The following PIP4K2A variants were observed in gnomAD, a reference collection of about 807,000 sequenced individuals.
The protein encoded by PIP4K2A is phosphatidylinositol 5-phosphate 4-kinase type-2 alpha.
Under a neutral mutation model 42.9 loss-of-function variants are expected in PIP4K2A, and 14 were observed. The ratio of observed to expected loss-of-function variants is 0.33; its 90% CI spans 0.22 to 0.51. The LOEUF (loss-of-function observed/expected upper bound fraction) is 0.51, where lower values mean the gene tolerates loss of function less well. Among genes scored for constraint, PIP4K2A ranks in the 20% least tolerant of loss-of-function variants. The pLI, the probability that PIP4K2A is intolerant of heterozygous loss-of-function variation, is 0.97. For synonymous variants in PIP4K2A, 192 were observed against 192.2 expected (o/e 1.00, Z 0.01); for missense variants, 434 against 519.8 (o/e 0.83, Z 1.61).
rs542659125 is a variant in PIP4K2A, at chr10:22,629,392, C to T, written c.145-19675G>A. 4.6e-5 allele frequency among the ~76,000 whole-genome samples: 7 copies of T among 152,274 alleles called. No individual in the cohort carries two copies. The South Asian group carries it at 1.4e-3, about 32-fold the overall frequency. On this transcript the variant is annotated intron_variant, in intron 1 of 9. Coordinates refer to ENST00000376573, the MANE Select transcript of PIP4K2A (RefSeq NM_005028.5). ...AACTGCAGTCATACCTCGAGTCATA[C>T]TGCAATTGGCAGAGGATGCTAGAAT...
intron 6 of PIP4K2A, among the ~76,000 whole-genome samples, chr10:22,564,692 G>A (rs1352586028): frequency 6.6e-6 from 1 of 152,184 alleles, no homozygotes; most frequent in African/African-American, 2.4e-5. Flanking sequence ...GCCTTAGAGG[G>A]GGTTTAGGCG....
chr10:22,559,180 A>T (rs1836624273), intron 6 of PIP4K2A, among the ~76,000 whole-genome samples: 1 of 152,238 alleles, frequency 6.6e-6, no homozygotes, highest in African/African-American at 2.4e-5. Context: ...CTCTGGTTTA[A>T]TACTACCATG....
At chr10:22,577,210 G>A (rs1837145745) in intron 4 of PIP4K2A, among the ~76,000 whole-genome samples, 1 of 152,108 alleles carries the variant, frequency 6.6e-6, no homozygotes, top group Non-Finnish European at 1.5e-5. Flanking sequence ...TCTTGTCCGT[G>A]TGCAAGTTAT....
intron 1 of PIP4K2A, among the ~76,000 whole-genome samples, chr10:22,697,263 C>T (rs557953996): frequency 1.3e-4 from 20 of 152,318 alleles, no homozygotes; most frequent in African/African-American, 4.6e-4. Context: ...AAGCTCTGAG[C>T]TTCCACACCT....
In PIP4K2A at chr10:22,563,985, T is replaced by C. The variant is rs186809952; in HGVS notation, c.678+3866A>G. ...TCATATTAGATACAGGATAAAAGCA[T>C]CCTAGCAGAGTCCTAGAAAGATGAG... On this transcript the variant is annotated intron_variant, in intron 6 of 9. Coordinates refer to ENST00000376573, the MANE Select transcript of PIP4K2A (RefSeq NM_005028.5). Among the ~76,000 whole-genome samples the C allele has an allele frequency of 5.9e-5, 9 of 152,278 alleles. No individual in the cohort carries two copies. The East Asian group carries it at 9.6e-4, about 16-fold the overall frequency.
At chr10:22,694,467 C>T (rs538574271) in intron 1 of PIP4K2A, 7 of 152,292 alleles carry the variant, frequency 4.6e-5, no homozygotes, top group Non-Finnish European at 8.8e-5. Flanking sequence ...ATGTTTTGTA[C>T]CATACAGAGG....
chr10:22,599,663 T>C (rs765748875), intron 3 of PIP4K2A, among the ~76,000 whole-genome samples: 6 of 152,248 alleles, frequency 3.9e-5, no homozygotes, highest in Non-Finnish European at 8.8e-5. Context: ...CAAAGCTGTA[T>C]GATGCAGGGC....
chr10:22,613,465 A>T lies in PIP4K2A; in HGVS notation c.145-3748T>A, dbSNP rs567111147. Among the ~76,000 whole-genome samples, 12 of 152,176 alleles carry T rather than the reference A, an allele frequency of 7.9e-5. No homozygotes were observed. In the East Asian group the frequency reaches 2.3e-3, roughly 29 times the overall value. On this transcript the variant is annotated intron_variant, in intron 1 of 9. Coordinates refer to ENST00000376573, the MANE Select transcript of PIP4K2A (RefSeq NM_005028.5). ...AGCGACTTTCCTGTTCACAGGAGGG[A>T]AAAGAGATAGGTGTCATGGGGAGGG...
chr10:22,565,930 G>C (rs189368704), intron 6 of PIP4K2A, among the ~76,000 whole-genome samples: 390 of 152,238 alleles, frequency 2.6e-3, no homozygotes, highest in Middle Eastern at 6.8e-3. Context: ...ATTAGGAAGA[G>C]GAAATTCCCA....
intron 1 of PIP4K2A, among the ~76,000 whole-genome samples, chr10:22,636,171 A>T (rs185610503): frequency 2.8e-4 from 43 of 152,344 alleles, no homozygotes; most frequent in African/African-American, 9.9e-4. Context: ...CAGAAGGAAC[A>T]GGAAACGTTC....
chr10:22,561,176 T>C (rs1588626325), intron 6 of PIP4K2A, among the ~76,000 whole-genome samples: 2 of 152,152 alleles, frequency 1.3e-5, no homozygotes, highest in East Asian at 3.9e-4. Context: ...AAACAAGTCA[T>C]AGCAGCTGTC....
chr10:22,622,672 G>A (rs1254931802), intron 1 of PIP4K2A, among the ~76,000 whole-genome samples: 2 of 152,186 alleles, frequency 1.3e-5, no homozygotes, highest in Admixed American at 6.5e-5. Context: ...CCACATACCC[G>A]GGACAAGTCG....
intron 4 of PIP4K2A, among the ~76,000 whole-genome samples, chr10:22,589,668 GA>G (rs1837470042): frequency 6.6e-6 from 1 of 152,208 alleles, no homozygotes; most frequent in African/African-American, 2.4e-5. Flanking sequence ...CATCATGCAT[GA>G]ACATAAAGTA....
chr10:22,619,962 C>T (rs1192239429), intron 1 of PIP4K2A, among the ~76,000 whole-genome samples: 1 of 152,154 alleles, frequency 6.6e-6, no homozygotes, highest in Non-Finnish European at 1.5e-5. Flanking sequence ...TTTCCAGGGT[C>T]CACAAACTCA....
At position 22,555,999 on chromosome 10, in the gene PIP4K2A, C is replaced by T. The variant is rs759585564; in HGVS notation, c.679-5227G>A. ...AAGCCGTCCTGGGCCCCATGCAGCC[C>T]GTGAGCGACAAGCTTTATTTAAACG... On this transcript the variant is annotated intron_variant, in intron 6 of 9. Transcript: ENST00000376573. 9.9e-5 allele frequency among the ~76,000 whole-genome samples: 15 copies of T among 152,058 alleles called. 2 individuals carry two copies. The highest frequency in any genetic ancestry group is 2.7e-4 in the African/African-American group (11 of 41,484).
At position 22,624,527 on chromosome 10, in the gene PIP4K2A, G is replaced by A. The variant is rs376370511; in HGVS notation, c.145-14810C>T. Among the ~76,000 whole-genome samples the A allele has an allele frequency of 5.3e-5, 8 of 152,188 alleles. No homozygotes were observed. The East Asian group carries it at 1.5e-3, about 29-fold the overall frequency. On this transcript the variant is annotated intron_variant, in intron 1 of 9. Coordinates refer to ENST00000376573, the MANE Select transcript of PIP4K2A (RefSeq NM_005028.5). ...TTTCCTGTATTCAAAGAACTACTGT[G>A]TATGGTTGAGAGGGAAGAAGAATGC...
At chr10:22,547,534 C>T (rs764099689) in intron 7 of PIP4K2A, among the ~76,000 whole-genome samples, 18 of 152,192 alleles carry the variant, frequency 1.2e-4, no homozygotes, top group African/African-American at 3.6e-4. Context: ...GACTTGGGCT[C>T]GATGTGCTCC....
At chr10:22,599,093 G>A in intron 3 of PIP4K2A, among the ~76,000 whole-genome samples, 1 of 53,262 alleles carries the variant, frequency 1.9e-5, no homozygotes, top group East Asian at 1.1e-3. Flanking sequence ...TCAACCTTTT[G>A]GGAAAAAAAC....
intron 1 of PIP4K2A, among the ~76,000 whole-genome samples, chr10:22,706,190 A>G (rs1409696956): frequency 6.6e-6 from 1 of 152,070 alleles, no homozygotes; most frequent in East Asian, 1.9e-4. Flanking sequence ...CAGCCAAACC[A>G]TATCACCCAT....
Sources: allele counts gnomAD v4.1 joint callset (sites outside exome capture counted in the v4.1 genomes callset), GRCh38; gene constraint gnomAD v4.1.1; transcripts MANE v1.5; gene names NCBI Gene and HGNC (gene_info 2026-07-23, HGNC 2026-07-21).